IL1RAPL2: variants seen among roughly 807,000 people sequenced by gnomAD.
The protein encoded by IL1RAPL2 is interleukin 1 receptor accessory protein like 2.
IL1RAPL2 carries 3 observed loss-of-function variants against 44.1 expected under a neutral mutation model. The ratio of observed to expected loss-of-function variants is 0.07; its 90% CI spans 0.03 to 0.18. The LOEUF (loss-of-function observed/expected upper bound fraction) is 0.18. Ranked by LOEUF, IL1RAPL2 falls within the 10% of genes least tolerant of loss-of-function variation. IL1RAPL2 has a pLI of 1.00. For synonymous variants in IL1RAPL2, 181 were observed against 178.8 expected (o/e 1.01, Z -0.10); for missense variants, 391 against 496.4 (o/e 0.79, Z 2.02).
At chrX:105,546,437 G>A (rs2036800155) in intron 6 of IL1RAPL2, among the ~76,000 whole-genome samples, 1 of 111,191 alleles carries the variant, frequency 9.0e-6, no homozygotes, top group Admixed American at 9.7e-5. Context: ...CATTAAAATG[G>A]AGAGAAGGAG....
At chrX:104,673,279 G>T (rs1435502830) in intron 2 of IL1RAPL2, among the ~76,000 whole-genome samples, 2 of 111,512 alleles carry the variant, frequency 1.8e-5, no homozygotes, top group East Asian at 2.8e-4. Flanking sequence ...TTTGTATAAG[G>T]TGTAATGAAG....
At chrX:104,940,248 T>G (rs1454004123) in intron 2 of IL1RAPL2, among the ~76,000 whole-genome samples, 1 of 111,644 alleles carries the variant, frequency 9.0e-6, no homozygotes, top group Non-Finnish European at 1.9e-5. Flanking sequence ...TATTTTATGA[T>G]TTTTCAGTTT....
At chrX:104,763,940 T>A (rs1932508680) in intron 2 of IL1RAPL2, among the ~76,000 whole-genome samples, 1 of 111,964 alleles carries the variant, frequency 8.9e-6, no homozygotes, top group Admixed American at 9.5e-5. Flanking sequence ...TATGCCAGTA[T>A]CATGCTGTTT....
At chrX:104,766,044 G>A (rs1021689727) in intron 2 of IL1RAPL2, among the ~76,000 whole-genome samples, 1 of 112,344 alleles carries the variant, frequency 8.9e-6, no homozygotes, top group Non-Finnish European at 1.9e-5. Context: ...GCTGGGAAAA[G>A]TACAGAGTGA....
chrX:104,777,004 T>C (rs973535304), intron 2 of IL1RAPL2, among the ~76,000 whole-genome samples: 4 of 111,698 alleles, frequency 3.6e-5, no homozygotes, highest in African/African-American at 1.3e-4. Context: ...CTCAGACTTT[T>C]CTTATTTTTT....
chrX:104,672,610 C>G (rs1475276398), intron 2 of IL1RAPL2, among the ~76,000 whole-genome samples: 1 of 102,958 alleles, frequency 9.7e-6, no homozygotes, highest in East Asian at 3.0e-4. Flanking sequence ...GGGTATATAC[C>G]CAGTAATGGG....
At chrX:104,585,609 T>C (rs1381620701) in intron 1 of IL1RAPL2, among the ~76,000 whole-genome samples, 1 of 100,042 alleles carries the variant, frequency 1.0e-5, no homozygotes, top group African/African-American at 3.7e-5. Context: ...CTACACCCTT[T>C]GATAGGCCCC....
intron 2 of IL1RAPL2, among the ~76,000 whole-genome samples, chrX:105,139,705 A>G (rs2033109074): frequency 9.0e-6 from 1 of 111,313 alleles, no homozygotes; most frequent in African/African-American, 3.3e-5. Context: ...TGAGGGCTCT[A>G]CCCTCATGAC....
At chrX:105,737,222 C>G (rs2038457545) in intron 7 of IL1RAPL2, among the ~76,000 whole-genome samples, 1 of 110,419 alleles carries the variant, frequency 9.1e-6, no homozygotes, top group Non-Finnish European at 1.9e-5. Context: ...AACACCAGGG[C>G]CTACTTGAGA....
At chrX:104,935,901 C>A (rs1925015252) in intron 2 of IL1RAPL2, among the ~76,000 whole-genome samples, 1 of 111,208 alleles carries the variant, frequency 9.0e-6, no homozygotes, top group Non-Finnish European at 1.9e-5. Context: ...GTGTCCTTGG[C>A]TCTGTTTTCT....
At chrX:104,672,567 G>C (rs1930633723) in intron 2 of IL1RAPL2, among the ~76,000 whole-genome samples, 1 of 103,441 alleles carries the variant, frequency 9.7e-6, no homozygotes, top group South Asian at 4.7e-4. Context: ...ACGTGTGCAT[G>C]TGTCTTTATA....
At chrX:104,913,410 T>A (rs1924309232) in intron 2 of IL1RAPL2, among the ~76,000 whole-genome samples, 1 of 111,616 alleles carries the variant, frequency 9.0e-6, no homozygotes, top group Non-Finnish European at 1.9e-5. Context: ...AATATCAGTT[T>A]CTTCATGGTA....
intron 2 of IL1RAPL2, among the ~76,000 whole-genome samples, chrX:104,974,346 C>T (rs111841697): frequency 4.3e-4 from 48 of 111,923 alleles, no homozygotes; most frequent in African/African-American, 1.5e-3. Context: ...TTTTAAAAGA[C>T]GTAACATTTC....
intron 2 of IL1RAPL2, among the ~76,000 whole-genome samples, chrX:105,012,596 C>CTT (rs1491552800): frequency 1.8e-5 from 1 of 55,749 alleles, no homozygotes; most frequent in African/African-American, 6.7e-5. Context: ...CTAACTTTCT[C>CTT]TTTCTCTCTC....
At chrX:105,459,737 A>G (rs769742825) in intron 5 of IL1RAPL2, among the ~76,000 whole-genome samples, 1 of 111,934 alleles carries the variant, frequency 8.9e-6, no homozygotes, top group Non-Finnish European at 1.9e-5. Flanking sequence ...GTGTGAGAAT[A>G]TGTTTTCTGT....
chrX:105,760,085 G>C (rs1253485876), intron 10 of IL1RAPL2, among the ~76,000 whole-genome samples: 1 of 111,376 alleles, frequency 9.0e-6, no homozygotes, highest in Non-Finnish European at 1.9e-5. Flanking sequence ...AGTCAAGAGA[G>C]AAAAAAACTG....
intron 2 of IL1RAPL2, among the ~76,000 whole-genome samples, chrX:104,831,438 A>G (rs773170566): frequency 9.0e-6 from 1 of 111,716 alleles, no homozygotes; most frequent in East Asian, 2.8e-4. Flanking sequence ...TATCATTATG[A>G]TTTCCATTTT....
intron 2 of IL1RAPL2, among the ~76,000 whole-genome samples, chrX:104,792,085 A>G (rs990370748): frequency 1.4e-4 from 15 of 110,236 alleles, no homozygotes; most frequent in African/African-American, 4.9e-4. Flanking sequence ...TATCTTTGAG[A>G]TTTTACTCAA....
chrX:104,943,981 G>A (rs1161359959), intron 2 of IL1RAPL2, among the ~76,000 whole-genome samples: 1 of 111,374 alleles, frequency 9.0e-6, no homozygotes, highest in Non-Finnish European at 1.9e-5. Flanking sequence ...TATTTTTGGT[G>A]ACCCTAAAAG....
Sources: allele counts gnomAD v4.1 joint callset (sites outside exome capture counted in the v4.1 genomes callset), GRCh38; gene constraint gnomAD v4.1.1; transcripts MANE v1.5; gene names NCBI Gene and HGNC (gene_info 2026-07-23, HGNC 2026-07-21).